Variants in ARL15 observed in about 807,000 individuals in gnomAD.
The protein encoded by ARL15 is ARF like GTPase 15.
In ARL15, 19 loss-of-function variants were observed where a neutral mutation model predicts 25.2. The ratio of observed to expected loss-of-function variants is 0.75; its 90% CI spans 0.53 to 1.10. The LOEUF is 1.10. Ranked by LOEUF, ARL15 falls within the 50% of genes least tolerant of loss-of-function variation. The pLI, the probability that ARL15 is intolerant of heterozygous loss-of-function variation, is 0.00. For synonymous variants in ARL15, 94 were observed against 86.8 expected (o/e 1.08, Z -0.46); for missense variants, 220 against 246.0 (o/e 0.89, Z 0.71).
chr5:54,086,370 T>C (rs1751964351), intron 4 of ARL15, among the ~76,000 whole-genome samples: 1 of 152,112 alleles, frequency 6.6e-6, no homozygotes, highest in South Asian at 2.1e-4. Flanking sequence ...AATAGCCTCA[T>C]CCTGCTCATA....
chr5:54,146,891 T>A (rs563953077), intron 3 of ARL15, among the ~76,000 whole-genome samples: 22 of 152,312 alleles, frequency 1.4e-4, no homozygotes, highest in Admixed American at 1.4e-3. Context: ...CCTAAGGCAC[T>A]TCTCCAGAAG....
At chr5:54,274,950 T>A (rs1757888681) in intron 1 of ARL15, among the ~76,000 whole-genome samples, 1 of 152,158 alleles carries the variant, frequency 6.6e-6, no homozygotes, top group South Asian at 2.1e-4. Context: ...AACCCCTCAC[T>A]TCTACCCACA....
intron 4 of ARL15, among the ~76,000 whole-genome samples, chr5:54,092,305 A>G (rs573724497): frequency 6.6e-6 from 1 of 152,142 alleles, no homozygotes; most frequent in Non-Finnish European, 1.5e-5. Flanking sequence ...TCTAAAGAGT[A>G]CATTTTATTT....
At chr5:54,048,595 G>T (rs973678564) in intron 4 of ARL15, among the ~76,000 whole-genome samples, 4 of 151,312 alleles carry the variant, frequency 2.6e-5, no homozygotes, top group Admixed American at 2.6e-4. Flanking sequence ...TAGAGACGAG[G>T]TTTCACCATG....
chr5:54,217,803 G>A (rs1462202194), intron 1 of ARL15, among the ~76,000 whole-genome samples: 1 of 152,014 alleles, frequency 6.6e-6, no homozygotes, highest in Non-Finnish European at 1.5e-5. Flanking sequence ...TATTTATATA[G>A]CCATTTTACA....
chr5:54,097,622 A>C (rs1752326491), intron 4 of ARL15, among the ~76,000 whole-genome samples: 1 of 152,224 alleles, frequency 6.6e-6, no homozygotes, highest in Non-Finnish European at 1.5e-5. Flanking sequence ...ATTCAAGTAG[A>C]TCACTTTTAG....
chr5:54,277,982 G>A (rs560121402), intron 1 of ARL15, among the ~76,000 whole-genome samples: 83 of 152,260 alleles, frequency 5.5e-4, no homozygotes, highest in African/African-American at 1.8e-3. Context: ...TCCTGGAGAA[G>A]GGCAAGATTC....
At chr5:54,202,860 T>C (rs1228310181) in intron 1 of ARL15, among the ~76,000 whole-genome samples, 1 of 144,380 alleles carries the variant, frequency 6.9e-6, no homozygotes, top group African/African-American at 2.7e-5. Context: ...TCACCTTTCA[T>C]GAATAAAATC....
At chr5:53,950,812 A>G (rs1189063048) in intron 4 of ARL15, among the ~76,000 whole-genome samples, 7 of 152,224 alleles carry the variant, frequency 4.6e-5, no homozygotes, top group Non-Finnish European at 1.0e-4. Context: ...TGAGTGCTCT[A>G]AGGTATTTCT....
intron 4 of ARL15, among the ~76,000 whole-genome samples, chr5:53,979,214 C>T (rs1748040944): frequency 6.6e-6 from 1 of 152,036 alleles, no homozygotes; most frequent in Non-Finnish European, 1.5e-5. Flanking sequence ...TTCTTAGGTA[C>T]CTGGTCTTTA....
intron 4 of ARL15, among the ~76,000 whole-genome samples, chr5:53,897,766 C>T (rs781638682): frequency 6.6e-6 from 1 of 152,034 alleles, no homozygotes; most frequent in Non-Finnish European, 1.5e-5. Flanking sequence ...GCTTGATTAT[C>T]ATATATATAA....
chr5:54,248,896 G>C (rs1269955255), intron 1 of ARL15, among the ~76,000 whole-genome samples: 2 of 152,078 alleles, frequency 1.3e-5, no homozygotes. Flanking sequence ...TGAGAGACTG[G>C]TAATACTTAA....
intron 4 of ARL15, among the ~76,000 whole-genome samples, chr5:54,073,841 A>G (rs1280431600): frequency 2.0e-5 from 3 of 152,230 alleles, no homozygotes; most frequent in Non-Finnish European, 4.4e-5. Context: ...GTGGGAATGT[A>G]GCAGTACCTG....
intron 4 of ARL15, among the ~76,000 whole-genome samples, chr5:54,015,800 C>T (rs528886223): frequency 9.9e-5 from 15 of 152,214 alleles, no homozygotes; most frequent in Admixed American, 9.8e-4. Context: ...CCAAAATACA[C>T]CCCTTTGGCA....
intron 4 of ARL15, among the ~76,000 whole-genome samples, chr5:53,941,836 ACAGG>A: frequency 6.6e-6 from 1 of 151,504 alleles, no homozygotes; most frequent in Non-Finnish European, 1.5e-5. Flanking sequence ...CCACCTCTCT[ACAGG>A]GTGCTCACCT....
intron 4 of ARL15, among the ~76,000 whole-genome samples, chr5:54,085,461 GC>G (rs1362686288): frequency 1.3e-5 from 2 of 152,124 alleles, no homozygotes; most frequent in East Asian, 1.9e-4. Flanking sequence ...AATTTTTGTT[GC>G]AGTGTGACAT....
intron 1 of ARL15, among the ~76,000 whole-genome samples, chr5:54,252,774 G>C (rs1757267752): frequency 6.6e-6 from 1 of 152,176 alleles, no homozygotes; most frequent in Admixed American, 6.5e-5. Flanking sequence ...ACCCAGGCTG[G>C]AGTGCAGTGG....
intron 2 of ARL15, among the ~76,000 whole-genome samples, chr5:54,165,766 A>G (rs550569528): frequency 1.4e-4 from 21 of 151,760 alleles, no homozygotes; most frequent in Non-Finnish European, 2.5e-4. Context: ...ATAGAGACAG[A>G]GAAATACTTT....
intron 1 of ARL15, among the ~76,000 whole-genome samples, chr5:54,226,955 G>A (rs1370999230): frequency 1.3e-5 from 2 of 151,908 alleles, no homozygotes; most frequent in Non-Finnish European, 2.9e-5. Flanking sequence ...TCTTATAAGG[G>A]ATTTCCCCTT....
Sources: allele counts gnomAD v4.1 joint callset (sites outside exome capture counted in the v4.1 genomes callset), GRCh38; gene constraint gnomAD v4.1.1; transcripts MANE v1.5; gene names NCBI Gene and HGNC (gene_info 2026-07-23, HGNC 2026-07-21).